Variants in SEMA3D observed in about 807,000 individuals in gnomAD.
SEMA3D encodes the protein semaphorin 3D.
A neutral mutation model predicts 100.1 loss-of-function variants in SEMA3D; 84 were observed. The ratio of observed to expected loss-of-function variants is 0.84; its 90% CI spans 0.70 to 1.01. SEMA3D has a LOEUF of 1.01. Among genes scored for constraint, SEMA3D ranks in the 50% least tolerant of loss-of-function variants. The probability of loss-of-function intolerance (pLI) is 0.00; values close to 1 mark genes in which losing one functional copy is unlikely to be tolerated. For synonymous variants in SEMA3D, 312 were observed against 320.7 expected (o/e 0.97, Z 0.29); for missense variants, 875 against 934.1 (o/e 0.94, Z 0.82).
At chr7:85,196,341 A>AAAAC in the SEMA3D span, among the ~76,000 whole-genome samples, 1,116 of 151,916 alleles carry the variant, frequency 7.3e-3, 19 homozygotes, top group African/African-American at 0.025. Flanking sequence ...TATCATTTAG[A>AAAAC]AAACAAACAA....
At chr7:85,123,829 T>C (rs1229630414) in intron 2 of SEMA3D, among the ~76,000 whole-genome samples, 1 of 152,236 alleles carries the variant, frequency 6.6e-6, no homozygotes, top group East Asian at 1.9e-4. Flanking sequence ...GTTTAGATTC[T>C]CTTTCAATCA....
At chr7:85,158,880 A>C (rs1289368439) in intron 1 of SEMA3D, among the ~76,000 whole-genome samples, 2 of 152,120 alleles carry the variant, frequency 1.3e-5, no homozygotes, top group Non-Finnish European at 2.9e-5. Flanking sequence ...ATTTCACCTG[A>C]TATATCATCA....
intron 5 of SEMA3D, among the ~76,000 whole-genome samples, chr7:85,080,018 G>T (rs981636276): frequency 2.0e-5 from 3 of 152,092 alleles, no homozygotes; most frequent in Non-Finnish European, 4.4e-5. Flanking sequence ...TCTAGTGACC[G>T]AAATGTAAAA....
chr7:85,205,682 C>T, the SEMA3D span, among the ~76,000 whole-genome samples: 809 of 152,158 alleles, frequency 5.3e-3, 6 homozygotes, highest in African/African-American at 0.019. Flanking sequence ...GCTTATGTAG[C>T]CTCACAGCAG....
chr7:85,148,104 G>A (rs1790267487), intron 2 of SEMA3D, among the ~76,000 whole-genome samples: 1 of 152,096 alleles, frequency 6.6e-6, no homozygotes, highest in Admixed American at 6.6e-5. Flanking sequence ...AGCAAAGTAG[G>A]TTCTAGGAAA....
At chr7:85,051,899 G>A (rs927070336) in intron 9 of SEMA3D, among the ~76,000 whole-genome samples, 5 of 151,886 alleles carry the variant, frequency 3.3e-5, no homozygotes, top group African/African-American at 4.8e-5. Flanking sequence ...ATAGGAGCAA[G>A]AGAATTAAAA....
chr7:85,022,548 A>G lies in SEMA3D; in HGVS notation c.1257T>C (p.Ser419=). Residue 419 remains serine, a synonymous_variant, in exon 13 of 19, where the codon AGT becomes AGC. Coordinates refer to ENST00000284136, the MANE Select transcript of SEMA3D (RefSeq NM_001384900.1). Reference sequence around the variant, plus strand: ...ACATCACAGAGTGCCGCTTTATGAAACTGATGACATCATCTGGAAAATCTC... The same window carrying G: ...ACATCACAGAGTGCCGCTTTATGAAGCTGATGACATCATCTGGAAAATCTC... ...STRDFPDDVI[S]FIKRHSVMYK... The G allele has an allele frequency of 6.2e-7, 1 of 1,612,562 alleles. No homozygotes were observed.
At chr7:85,209,442 G>A in the SEMA3D span, among the ~76,000 whole-genome samples, 1 of 151,956 alleles carries the variant, frequency 6.6e-6, no homozygotes, top group South Asian at 2.1e-4. Flanking sequence ...TCAGGAAAAG[G>A]CCTCTGAAGG....
chr7:85,124,579 C>G (rs1270865161), intron 2 of SEMA3D, among the ~76,000 whole-genome samples: 1 of 151,898 alleles, frequency 6.6e-6, no homozygotes, highest in African/African-American at 2.4e-5. Flanking sequence ...TGCAAGATAA[C>G]TCAAAGGAGT....
chr7:85,237,045 G>T, the SEMA3D span, among the ~76,000 whole-genome samples: 1 of 152,066 alleles, frequency 6.6e-6, no homozygotes, highest in Admixed American at 6.6e-5. Flanking sequence ...AATTGACATT[G>T]GTGAAATTCA....
intron 3 of SEMA3D, among the ~76,000 whole-genome samples, chr7:85,114,057 T>C (rs953671707): frequency 6.6e-6 from 1 of 152,154 alleles, no homozygotes; most frequent in Non-Finnish European, 1.5e-5. Context: ...CTCAATACTA[T>C]CTAAGCAAAG....
chr7:85,214,235 T>C, the SEMA3D span, among the ~76,000 whole-genome samples: 2 of 152,136 alleles, frequency 1.3e-5, no homozygotes, highest in African/African-American at 2.4e-5. Flanking sequence ...AAATAACTAA[T>C]TCAACATTGT....
rs1309268425 is a variant in SEMA3D, at chr7:85,022,516, G to C, written c.1289C>G (p.Ser430Cys). Residue 430 changes from serine to cysteine, a missense_variant, in exon 13 of 19, where the codon TCC (serine) becomes TGC (cysteine). Ser to Cys is a moderately radical substitution (Grantham distance 112, BLOSUM62 -1). Transcript: ENST00000284136. ...TGGTCCTCCTGCAACTGGGTATACG[G>C]ACTTATACATCACAGAGTGCCGCTT... ...FIKRHSVMYKSVYPVAGGPTF... is the reference protein window; with the variant it reads ...FIKRHSVMYKCVYPVAGGPTF... 5.0e-6 allele frequency: 8 copies of C among 1,612,148 alleles called. No homozygotes were observed. The highest frequency in any genetic ancestry group is 6.8e-6 in the Non-Finnish European group (8 of 1,178,648).
intron 3 of SEMA3D, 109 bp from the exon 4 acceptor site, chr7:85,098,074 GAAAAAGAAAGAAAGA>G (rs943428400): frequency 9.0e-5 from 50 of 558,526 alleles, no homozygotes; most frequent in African/African-American, 8.2e-4. Context: ...GAAAAGGAAA[GAAAAAGAAAGAAAGA>G]AAAAAGAAAG....
chr7:85,079,231 A>G (rs1045812816), intron 5 of SEMA3D, among the ~76,000 whole-genome samples: 2 of 152,228 alleles, frequency 1.3e-5, no homozygotes, highest in Admixed American at 1.3e-4. Flanking sequence ...TTATACATGT[A>G]AATCATTGAA....
intron 2 of SEMA3D, among the ~76,000 whole-genome samples, chr7:85,133,035 T>C (rs573156433): frequency 6.6e-6 from 1 of 152,068 alleles, no homozygotes; most frequent in East Asian, 1.9e-4. Context: ...ACAGTGAGAC[T>C]AATAAAGTGC....
At chr7:85,067,117 T>A (rs571877636) in intron 7 of SEMA3D, among the ~76,000 whole-genome samples, 81 of 152,148 alleles carry the variant, frequency 5.3e-4, no homozygotes, top group Non-Finnish European at 8.7e-4. Flanking sequence ...AGAAGTGAAC[T>A]GTCACTTTGA....
chr7:84,999,999 A>G (rs1394302942), intron 18 of SEMA3D, 134 bp from the exon 19 acceptor site: 1 of 743,246 alleles, frequency 1.3e-6, no homozygotes, highest in Non-Finnish European at 2.1e-6. Context: ...GTCATCAAGC[A>G]TAATATTGTC....
intron 14 of SEMA3D, among the ~76,000 whole-genome samples, chr7:85,019,093 A>T (rs1216543966): frequency 6.6e-6 from 1 of 151,780 alleles, no homozygotes; most frequent in Non-Finnish European, 1.5e-5. Context: ...CAAACTTATC[A>T]AATTATATAC....
Sources: allele counts gnomAD v4.1 joint callset (sites outside exome capture counted in the v4.1 genomes callset), GRCh38; gene constraint gnomAD v4.1.1; transcripts MANE v1.5; gene names NCBI Gene and HGNC (gene_info 2026-07-23, HGNC 2026-07-21).